The following SPTBN1 variants were observed in gnomAD, a reference collection of about 807,000 sequenced individuals.
SPTBN1 encodes the protein spectrin beta, non-erythrocytic 1, also known as spectrin beta chain, non-erythrocytic 1.
A neutral mutation model predicts 266.4 loss-of-function variants in SPTBN1; 32 were observed. The ratio of observed to expected loss-of-function variants is 0.12; its 90% confidence interval spans 0.09 to 0.16. The LOEUF (loss-of-function observed/expected upper bound fraction) is 0.16. SPTBN1 is among the 10% of genes least tolerant of loss of function. SPTBN1 has a pLI of 1.00. For missense variants in SPTBN1, 2,296 were observed against 3,067.1 expected (o/e 0.75, Z 5.94); for synonymous variants, 1,336 against 1,162.2 (o/e 1.15, Z -3.04).
intron 1 of SPTBN1, among the ~76,000 whole-genome samples, chr2:54,492,119 A>G (rs1668715658): frequency 6.6e-6 from 1 of 152,236 alleles, no homozygotes; most frequent in African/African-American, 2.4e-5. Flanking sequence ...AATACATTAA[A>G]GAATATTCCT....
At chr2:54,605,289 C>T (rs1259531894) in intron 3 of SPTBN1, among the ~76,000 whole-genome samples, 1 of 152,188 alleles carries the variant, frequency 6.6e-6, no homozygotes, top group Non-Finnish European at 1.5e-5. Context: ...CACATGGAAG[C>T]ATGTACCCCT....
At chr2:54,484,410 T>A (rs571185515) in intron 1 of SPTBN1, among the ~76,000 whole-genome samples, 1 of 152,340 alleles carries the variant, frequency 6.6e-6, no homozygotes, top group African/African-American at 2.4e-5. Flanking sequence ...TTGTTAGTAC[T>A]CATCTGCTAT....
chr2:54,557,084 A>T (rs547624521), intron 2 of SPTBN1, among the ~76,000 whole-genome samples: 7 of 152,362 alleles, frequency 4.6e-5, no homozygotes, highest in South Asian at 4.1e-4. Context: ...CCTGGCTTTC[A>T]AAAGCCAAAG....
chr2:54,547,396 T>C (rs1242860623), intron 2 of SPTBN1, among the ~76,000 whole-genome samples: 1 of 152,196 alleles, frequency 6.6e-6, no homozygotes, highest in Non-Finnish European at 1.5e-5. Context: ...CCTCTTGCTA[T>C]TGCGAATGAT....
intron 11 of SPTBN1, 76 bp from the exon 12 acceptor site, chr2:54,625,856 G>T: frequency 6.7e-7 from 1 of 1,498,248 alleles, no homozygotes; most frequent in Non-Finnish European, 9.0e-7. Context: ...CTCCCAAAGT[G>T]CTGGGATTAC....
chr2:54,584,739 AC>A (rs1675170448), intron 2 of SPTBN1, among the ~76,000 whole-genome samples: 1 of 152,234 alleles, frequency 6.6e-6, no homozygotes, highest in South Asian at 2.1e-4. Context: ...CCCCTGAAGA[AC>A]AAATCAGCAA....
At chr2:54,577,081 T>A (rs1674538562) in intron 2 of SPTBN1, among the ~76,000 whole-genome samples, 1 of 152,196 alleles carries the variant, frequency 6.6e-6, no homozygotes, top group Non-Finnish European at 1.5e-5. Context: ...ATTTCATTTG[T>A]TAATGCTTAT....
At chr2:54,530,504 G>T (rs1033155901) in intron 2 of SPTBN1, among the ~76,000 whole-genome samples, 1 of 151,292 alleles carries the variant, frequency 6.6e-6, no homozygotes, top group African/African-American at 2.4e-5. Flanking sequence ...GACTACAGGC[G>T]CCCGCCACCA....
At chr2:54,504,841 T>C (rs1014252717) in intron 1 of SPTBN1, among the ~76,000 whole-genome samples, 2 of 152,136 alleles carry the variant, frequency 1.3e-5, no homozygotes, top group Non-Finnish European at 2.9e-5. Context: ...AAGTAATTGG[T>C]TTAGTGATAA....
At chr2:54,463,961 A>C (rs577404197) in intron 1 of SPTBN1, among the ~76,000 whole-genome samples, 1 of 152,340 alleles carries the variant, frequency 6.6e-6, no homozygotes, top group South Asian at 2.1e-4. Context: ...AAGGAGGTCG[A>C]TAACTGTAAG....
intron 2 of SPTBN1, among the ~76,000 whole-genome samples, chr2:54,561,192 T>C (rs2104471970): frequency 6.6e-6 from 1 of 152,344 alleles, no homozygotes; most frequent in South Asian, 2.1e-4. Flanking sequence ...TTGCCCAGGC[T>C]CTAGTGCAGT....
chr2:54,480,168 G>A (rs1486227082), intron 1 of SPTBN1, among the ~76,000 whole-genome samples: 5 of 152,176 alleles, frequency 3.3e-5, no homozygotes, highest in Admixed American at 6.5e-5. Context: ...TGGGTATTGG[G>A]ACACTCATTT....
intron 2 of SPTBN1, chr2:54,546,381 T>A (rs1672238628): frequency 6.6e-6 from 1 of 152,212 alleles, no homozygotes; most frequent in African/African-American, 2.4e-5. Flanking sequence ...AAAACTTGTC[T>A]GATATCTGTT....
At chr2:54,489,621 C>G (rs1668580324) in intron 1 of SPTBN1, among the ~76,000 whole-genome samples, 1 of 152,108 alleles carries the variant, frequency 6.6e-6, no homozygotes, top group African/African-American at 2.4e-5. Flanking sequence ...ATCACTTGAA[C>G]CTGGGAGGTG....
In SPTBN1 at chr2:54,667,744, A is replaced by G. The variant is rs1681457617; in HGVS notation, c.6876+98A>G. The G allele has an allele frequency of 5.3e-6, 6 of 1,126,702 alleles. No homozygotes were observed. The Admixed American group carries it at 5.5e-5, about 10-fold the overall frequency. 69.8% of individuals were successfully genotyped at this position (1,126,702 alleles called of 1,614,324 possible). A position where few individuals can be genotyped will look rare whatever the true frequency, so the allele number is the denominator to read the frequency against. On this transcript the variant is annotated intron_variant, in intron 35 of 35. Coordinates refer to ENST00000356805, the MANE Select transcript of SPTBN1 (RefSeq NM_003128.3). The stretch of plus-strand genomic sequence containing the variant: ...CAGAAAGTTCTTCATGTAAATGATG[A>G]TCAGTGATGGTTTCTATCACTGGGC...
In SPTBN1 at chr2:54,623,466, C is replaced by T. The variant is rs1410079514; in HGVS notation, c.1065-13C>T. The T allele has an allele frequency of 1.2e-6, 2 of 1,611,238 alleles. No individual in the cohort carries two copies. Among genetic ancestry groups the T allele is most frequent in the Non-Finnish European group, 1.7e-6 (2 of 1,177,898 alleles). On this transcript the variant is annotated splice_polypyrimidine_tract_variant and intron_variant, in intron 9 of 35. Coordinates refer to ENST00000356805, the MANE Select transcript of SPTBN1 (RefSeq NM_003128.3). ...TTCTCCAGTACCAAATGAATGTTTTCCCCTGTGTTTAGATTTACTGAGAAG... is the reference window on the plus strand; with the variant it reads ...TTCTCCAGTACCAAATGAATGTTTTTCCCTGTGTTTAGATTTACTGAGAAG...
At chr2:54,467,655 G>A (rs1242671689) in intron 1 of SPTBN1, among the ~76,000 whole-genome samples, 4 of 152,210 alleles carry the variant, frequency 2.6e-5, no homozygotes, top group African/African-American at 9.6e-5. Flanking sequence ...AAAATTCTGG[G>A]ATTACAGGCG....
intron 1 of SPTBN1, among the ~76,000 whole-genome samples, chr2:54,507,199 C>T (rs983594756): frequency 1.3e-5 from 2 of 152,196 alleles, no homozygotes; most frequent in African/African-American, 4.8e-5. Context: ...GCTATTTTCA[C>T]TTCTTTTGTG....
At chr2:54,470,371 A>G (rs961432309) in intron 1 of SPTBN1, among the ~76,000 whole-genome samples, 3 of 152,218 alleles carry the variant, frequency 2.0e-5, no homozygotes, top group Non-Finnish European at 2.9e-5. Flanking sequence ...GTTCACGTGA[A>G]ATAAACCTAT....
Sources: allele counts gnomAD v4.1 joint callset (sites outside exome capture counted in the v4.1 genomes callset), GRCh38; gene constraint gnomAD v4.1.1; transcripts MANE v1.5; gene names NCBI Gene and HGNC (gene_info 2026-07-23, HGNC 2026-07-21).